Variants in CD9 observed in about 807,000 individuals in gnomAD.
CD9 encodes the protein CD9 molecule, also known as CD9 antigen.
Under a neutral mutation model 31.4 loss-of-function variants are expected in CD9, and 10 were observed. The observed-to-expected ratio is 0.32, with a 90% confidence interval of 0.20 to 0.54. CD9 has a LOEUF of 0.54. CD9 is among the 20% of genes least tolerant of loss of function. The pLI is 0.94. For synonymous variants in CD9, 113 were observed against 114.1 expected (o/e 0.99, Z 0.06); for missense variants, 259 against 300.1 (o/e 0.86, Z 1.01).
At chr12:6,214,344 C>CTT (rs71450123) in intron 1 of CD9, among the ~76,000 whole-genome samples, 1,547 of 66,922 alleles carry the variant, frequency 0.023, 169 homozygotes, top group African/African-American at 0.047. Context: ...CCATTAGCCT[C>CTT]TTTTTTTTTT....
In CD9 at chr12:6,237,919, TTTG is replaced by T; in HGVS notation, c.*94_*96del. On this transcript the variant is annotated 3_prime_UTR_variant, in exon 8 of 8. Coordinates refer to ENST00000009180, the MANE Select transcript of CD9 (RefSeq NM_001769.4). ...GTTTTGTTTTGTTTGTTGTTTGTTG[TTTG>T]TTTTTTTGCCACTAATTTTAGTATT... 3.1e-6 allele frequency: 3 copies of T among 968,504 alleles called. No homozygotes were observed. The highest frequency in any genetic ancestry group is 4.9e-6 in the Non-Finnish European group (3 of 615,360). The allele number at this position is 968,504 out of a possible 1,614,324, so 60.0% of individuals were successfully genotyped here. A position where few individuals can be genotyped will look rare whatever the true frequency, so the allele number is the denominator to read the frequency against.
At chr12:6,228,505 T>C (rs1418202993) in intron 2 of CD9, among the ~76,000 whole-genome samples, 1 of 121,574 alleles carries the variant, frequency 8.2e-6, no homozygotes. Flanking sequence ...AGAGCTGAGA[T>C]CACACCACTG....
chr12:6,205,756 A>G (rs1332835835), intron 1 of CD9, among the ~76,000 whole-genome samples: 2 of 152,172 alleles, frequency 1.3e-5, no homozygotes, highest in Non-Finnish European at 2.9e-5. Flanking sequence ...AAAGAACACA[A>G]ACCTTGATGG....
chr12:6,238,013 T>C lies in CD9; in HGVS notation c.*185T>C, dbSNP rs2136643331. 1 of 517,782 alleles carries C rather than the reference T, an allele frequency of 1.9e-6. No individual in the cohort carries two copies. Among genetic ancestry groups the C allele is most frequent in the South Asian group, 2.3e-5 (1 of 43,498 alleles). 32.1% of individuals were successfully genotyped at this position (517,782 alleles called of 1,614,324 possible). Reference sequence around the variant, plus strand: ...TTGTCTTTTAATGCTTCATTCAATATTGACATTTGTAGTTGAGCGGGGGGT... The same window carrying C: ...TTGTCTTTTAATGCTTCATTCAATACTGACATTTGTAGTTGAGCGGGGGGT... On this transcript the variant is annotated 3_prime_UTR_variant, in exon 8 of 8. Coordinates refer to ENST00000009180, the MANE Select transcript of CD9 (RefSeq NM_001769.4).
intron 7 of CD9, chr12:6,236,538 C>T (rs1946526201): frequency 3.8e-6 from 2 of 521,310 alleles, no homozygotes; most frequent in Non-Finnish European, 6.8e-6. Flanking sequence ...AGGTTCAGGG[C>T]ACATGGGTGG....
chr12:6,233,284 C>T (rs1184616990), intron 3 of CD9, 128 bp from the exon 4 acceptor site: 12 of 712,512 alleles, frequency 1.7e-5, no homozygotes, highest in Non-Finnish European at 2.5e-5. Flanking sequence ...CCCTGCTAGG[C>T]TATTCATTTG....
At chr12:6,235,015 G>T (rs895232224) in intron 4 of CD9, among the ~76,000 whole-genome samples, 2 of 152,254 alleles carry the variant, frequency 1.3e-5, no homozygotes, top group African/African-American at 4.8e-5. Flanking sequence ...AACAGCCCGA[G>T]TGGGTTTCTG....
In CD9 at chr12:6,215,461, G is replaced by A. The variant is rs1946234900; in HGVS notation, c.67-9965G>A. ...ACTCCAGTTTCACTGAGTGAGTCTA[G>A]GAGGGAACTGCGAATTTGCATGTCC... is the stretch of plus-strand genomic sequence containing the variant. On this transcript the variant is annotated intron_variant, in intron 1 of 7. Transcript: ENST00000009180. Among the ~76,000 whole-genome samples, 3 of 152,214 alleles carry A rather than the reference G, an allele frequency of 2.0e-5. No homozygotes were observed. In the South Asian group the frequency reaches 6.2e-4, roughly 31 times the overall value.
chr12:6,208,841 G>C (rs1484297319), intron 1 of CD9, among the ~76,000 whole-genome samples: 2 of 152,110 alleles, frequency 1.3e-5, no homozygotes, highest in Admixed American at 1.3e-4. Flanking sequence ...TGGGATTACA[G>C]GTGTGTAGTT....
At position 6,235,541 on chromosome 12, in the gene CD9, C is replaced by A; in HGVS notation, c.513C>A (p.Asp171Glu). The change falls in exon 6 of 8, where the codon GAC (aspartate) becomes GAA (glutamate). Residue 171 changes from aspartate (D) to glutamate (E), a missense_variant. Transcript: ENST00000009180. ...TCTCAGACATCTGCCCCAAGAAGGA[C>A]GTACTCGAAACCTTCACCGTGAAGG... ...QFISDICPKK[D>E]VLETFTVKSC... The A allele has an allele frequency of 1.2e-6, 2 of 1,613,462 alleles. No homozygotes were observed. Among genetic ancestry groups the A allele is most frequent in the South Asian group, 1.1e-5 (1 of 91,022 alleles).
rs1946061567 is a variant in CD9 at position 6,200,425 on chromosome 12, C to G, written c.-75C>G. The stretch of plus-strand genomic sequence containing the variant: ...AGCCGCCTGCATCTGTATCCAGCGC[C>G]AGGTCCCGCCAGTCCCAGCTGCGCG... On this transcript the variant is annotated 5_prime_UTR_variant, in exon 1 of 8. Coordinates refer to ENST00000009180, the MANE Select transcript of CD9 (RefSeq NM_001769.4). 1.1e-6 allele frequency: 1 copy of G among 942,872 alleles called. No individual in the cohort carries two copies. The highest frequency in any genetic ancestry group is 1.6e-5 in the African/African-American group (1 of 61,310). The allele number at this position is 942,872 out of a possible 1,614,324, so 58.4% of individuals were successfully genotyped here.
At chr12:6,231,844 A>G (rs1474626255) in intron 2 of CD9, among the ~76,000 whole-genome samples, 2 of 152,188 alleles carry the variant, frequency 1.3e-5, no homozygotes, top group Non-Finnish European at 1.5e-5. Flanking sequence ...TTAGCATGCT[A>G]TAGAGATCTT....
intron 1 of CD9, among the ~76,000 whole-genome samples, chr12:6,217,337 C>T (rs865994156): frequency 2.0e-5 from 3 of 151,538 alleles, no homozygotes; most frequent in South Asian, 2.1e-4. Context: ...GCCTGAGCAA[C>T]ACGGTGAAAC....
At chr12:6,202,974 G>C (rs1176357164) in intron 1 of CD9, among the ~76,000 whole-genome samples, 1 of 152,144 alleles carries the variant, frequency 6.6e-6, no homozygotes, top group African/African-American at 2.4e-5. Context: ...CTGAATTACT[G>C]TTCATTTGTC....
chr12:6,203,548 C>T (rs1946097765), intron 1 of CD9, among the ~76,000 whole-genome samples: 1 of 152,154 alleles, frequency 6.6e-6, no homozygotes, highest in African/African-American at 2.4e-5. Context: ...TGTGCCTCTT[C>T]CCTGGCCTGA....
chr12:6,226,352 G>C (rs1946366720), intron 2 of CD9: 1 of 152,162 alleles, frequency 6.6e-6, no homozygotes, highest in South Asian at 2.1e-4. Context: ...TACTCTGCCT[G>C]GCTTGGAGGT....
At chr12:6,210,934 T>C (rs1356737088) in intron 1 of CD9, among the ~76,000 whole-genome samples, 1 of 151,488 alleles carries the variant, frequency 6.6e-6, no homozygotes, top group East Asian at 1.9e-4. Flanking sequence ...CCTCCTGGGT[T>C]CAAGCGATTG....
intron 1 of CD9, among the ~76,000 whole-genome samples, chr12:6,219,074 C>A (rs976253161): frequency 6.6e-6 from 1 of 152,052 alleles, no homozygotes; most frequent in Non-Finnish European, 1.5e-5. Context: ...GGCTCAATCT[C>A]CGCTCATTGC....
chr12:6,213,704 G>GT lies in CD9; in HGVS notation c.67-11721dup, dbSNP rs1303418761. 2.0e-5 allele frequency among the ~76,000 whole-genome samples: 3 copies of GT among 152,162 alleles called. No homozygotes were observed. The East Asian group carries it at 5.8e-4, about 29-fold the overall frequency. On this transcript the variant is annotated intron_variant, in intron 1 of 7. Coordinates refer to ENST00000009180, the MANE Select transcript of CD9 (RefSeq NM_001769.4). Reference sequence around the variant, plus strand: ...TGCAGAGCCACGGTCACCATTGCTTGTGTAGACACCAGGGGTAGGAAGTGG... The same window carrying GT: ...TGCAGAGCCACGGTCACCATTGCTTGTTGTAGACACCAGGGGTAGGAAGTGG...
Sources: allele counts gnomAD v4.1 joint callset (sites outside exome capture counted in the v4.1 genomes callset), GRCh38; gene constraint gnomAD v4.1.1; transcripts MANE v1.5; gene names NCBI Gene and HGNC (gene_info 2026-07-23, HGNC 2026-07-21).